Variants in MASP2 observed in about 807,000 individuals in gnomAD.
MASP2 encodes MBL associated serine protease 2.
In MASP2, 49 loss-of-function variants were observed where a neutral mutation model predicts 57.1. That is an observed-to-expected ratio of 0.86 (90% CI 0.68 to 1.09). The LOEUF is 1.09. Among genes scored for constraint, MASP2 ranks in the 50% least tolerant of loss-of-function variants. The probability of loss-of-function intolerance (pLI) is 0.00; values close to 1 mark genes in which losing one functional copy is unlikely to be tolerated. For missense variants in MASP2, 900 were observed against 874.8 expected (o/e 1.03, Z -0.36); for synonymous variants, 379 against 340.8 (o/e 1.11, Z -1.24).
intron 9 of MASP2, 189 bp downstream of exon 9, chr1:11,030,559 C>G (rs1570737475): frequency 3.3e-6 from 2 of 610,310 alleles, no homozygotes; most frequent in Non-Finnish European, 2.8e-6. Context: ...TTTACTAGAT[C>G]TGTTTTCAGA....
chr1:11,037,075 CAG>C (rs1377446104), intron 7 of MASP2, among the ~76,000 whole-genome samples: 1 of 151,998 alleles, frequency 6.6e-6, no homozygotes, highest in Non-Finnish European at 1.5e-5. Flanking sequence ...TTTTTTGAGA[CAG>C]AGTCTTGCTC....
chr1:11,040,633 T>TATGG (rs1177608831), intron 6 of MASP2, among the ~76,000 whole-genome samples: 74 of 144,050 alleles, frequency 5.1e-4, no homozygotes, highest in African/African-American at 1.8e-3. Flanking sequence ...TGGATGGGTA[T>TATGG]ATGGATGGAT....
chr1:11,041,469 T>C lies in MASP2; in HGVS notation c.889+1406A>G, dbSNP rs367960311. ...GTAGAAGGATGGGTGGGTGCATAGA[T>C]GGACAGCTGGAAGGATGGGTGGATG... On this transcript the variant is annotated intron_variant, in intron 6 of 10. Transcript: ENST00000400897. Among the ~76,000 whole-genome samples, 564 of 148,740 alleles carry C rather than the reference T, an allele frequency of 3.8e-3. 3 individuals carry two copies. Among genetic ancestry groups the C allele is most frequent in the Non-Finnish European group, 6.5e-3 (436 of 67,268 alleles).
intron 8 of MASP2, among the ~76,000 whole-genome samples, chr1:11,034,397 T>TA (rs58086905): frequency 4.0e-3 from 563 of 141,456 alleles, no homozygotes; most frequent in Middle Eastern, 7.4e-3. Flanking sequence ...AATGGATCAT[T>TA]AAAAAAAAAA....
chr1:11,040,479 A>AC (rs1283783953), intron 6 of MASP2, among the ~76,000 whole-genome samples: 1 of 150,858 alleles, frequency 6.6e-6, no homozygotes, highest in African/African-American at 2.4e-5. Flanking sequence ...AAAAAAAAAA[A>AC]AAAAACGGAT....
intron 4 of MASP2, chr1:11,044,711 G>T: frequency 7.9e-7 from 1 of 1,258,524 alleles, no homozygotes; most frequent in Non-Finnish European, 1.1e-6. Flanking sequence ...CAGACCTGGG[G>T]TTCATGAGGC....
rs1638665486 is a variant in MASP2, at chr1:11,047,029, G to A, written c.96C>T (p.Ser32=). 6.4e-6 allele frequency: 10 copies of A among 1,551,714 alleles called. No homozygotes were observed. The highest frequency in any genetic ancestry group is 8.7e-6 in the Non-Finnish European group (10 of 1,147,448). ...TGGCATACTCCCCTGGAAAGCCGGG[G>A]GATGCCAGGCGCCCGAACACAGGTT... is the stretch of plus-strand genomic sequence containing the variant. ...WPEPVFGRLA[S]PGFPGEYAND... is the part of the protein sequence containing the mutation. The change falls in exon 2 of 11, where the codon TCC becomes TCT. Residue 32 remains serine (S), a synonymous_variant. Transcript: ENST00000400897.
intron 7 of MASP2, among the ~76,000 whole-genome samples, chr1:11,035,426 T>C (rs986758665): frequency 7.9e-5 from 12 of 151,436 alleles, no homozygotes; most frequent in Middle Eastern, 3.4e-3. Flanking sequence ...CCTCAGGAGG[T>C]TGAGGCAGGA....
intron 10 of MASP2, among the ~76,000 whole-genome samples, chr1:11,027,854 C>G (rs1249583515): frequency 6.6e-6 from 1 of 152,174 alleles, no homozygotes; most frequent in Non-Finnish European, 1.5e-5. Flanking sequence ...TATTTCTTAG[C>G]TCCTCAGAAA....
intron 7 of MASP2, among the ~76,000 whole-genome samples, chr1:11,036,510 C>CAAAAAAAAAAAAA (rs35642467): frequency 6.8e-4 from 37 of 54,350 alleles, no homozygotes; most frequent in Non-Finnish European, 8.5e-4. Context: ...GACTCCGTCT[C>CAAAAAAAAAAAAA]AAAAAAAAAA....
At chr1:11,031,397 C>T (rs1274019718) in intron 8 of MASP2, among the ~76,000 whole-genome samples, 1 of 151,164 alleles carries the variant, frequency 6.6e-6, no homozygotes, top group Admixed American at 6.6e-5. Context: ...GGCGTGGTAG[C>T]GGGCGCCTGT....
Position 11,043,468 on chromosome 1 carries a change from C to A in MASP2, c.612G>T (p.Pro204=), listed in dbSNP as rs72550853. 14 of 1,610,064 alleles carry A rather than the reference C, an allele frequency of 8.7e-6. No homozygotes were observed. The East Asian group carries it at 2.7e-4, about 31-fold the overall frequency. The change falls in exon 5 of 11, where the codon CCG becomes CCT. Residue 204 remains proline (P), a synonymous_variant. Coordinates refer to ENST00000400897, the MANE Select transcript of MASP2 (RefSeq NM_006610.4). ...GELSSPEYPR[P]YPKLSSCTYS... ...AAGTGCAACTGGAGAGTTTGGGATA[C>A]GGCCGTGGGTATTCAGGGCTGCTGA... is the stretch of plus-strand genomic sequence containing the variant.
intron 8 of MASP2, among the ~76,000 whole-genome samples, chr1:11,033,463 G>A (rs371025228): frequency 6.6e-4 from 100 of 152,210 alleles, no homozygotes; most frequent in African/African-American, 2.2e-3. Flanking sequence ...TGGGCAGCAC[G>A]GTGAAATACC....
chr1:11,030,641 A>G, intron 9 of MASP2, 107 bp downstream of exon 9: 3 of 1,275,324 alleles, frequency 2.4e-6, no homozygotes, highest in African/African-American at 3.0e-5. Context: ...GTGGCTTTTA[A>G]TCTTTTGTCT....
At chr1:11,046,513 C>T (rs1238632162) in intron 3 of MASP2, 43 bp downstream of exon 3, 2 of 1,610,326 alleles carry the variant, frequency 1.2e-6, no homozygotes, top group South Asian at 1.1e-5. Flanking sequence ...CCCCCACAGC[C>T]AGCTGCGCAG....
chr1:11,028,112 C>A (rs1347528740), intron 10 of MASP2, among the ~76,000 whole-genome samples: 4 of 151,928 alleles, frequency 2.6e-5, no homozygotes, highest in Non-Finnish European at 4.4e-5. Context: ...ATCCCAGCCA[C>A]TTGGGAGGCT....
chr1:11,044,786 CGTG>C, intron 4 of MASP2: 8 of 1,411,506 alleles, frequency 5.7e-6, no homozygotes, highest in East Asian at 3.3e-5. Context: ...CCCAGAGACA[CGTG>C]GCAGCAGGTG....
In MASP2 at chr1:11,027,274, CTTCTT is replaced by C. The variant is rs758750248; in HGVS notation, c.1667_1671del (p.Lys556SerfsTer2). ...TCATCTGTCCTCATAAAGGATTCAG[CTTCTT>C]TTCTTGGCAGACAAATAGGCGTGAT... On this transcript the variant is annotated frameshift_variant, in exon 11 of 11. Coordinates refer to ENST00000400897, the MANE Select transcript of MASP2 (RefSeq NM_006610.4). LOFTEE classifies it low-confidence loss of function (END_TRUNC). The C allele has an allele frequency of 1.2e-5, 20 of 1,613,936 alleles. No individual in the cohort carries two copies. The highest frequency in any genetic ancestry group is 6.7e-5 in the East Asian group (3 of 44,892).
chr1:11,041,380 ATGGATGGATGGATGGATGGATGAGTG>A (rs1638427591), intron 6 of MASP2, among the ~76,000 whole-genome samples: 1 of 126,730 alleles, frequency 7.9e-6, no homozygotes, highest in African/African-American at 3.4e-5. Flanking sequence ...TGGCAGATGG[ATGGATGGATGGATGGATGGATGAGTG>A]GATGGATGGA....
Sources: gnomAD v4.1 joint callset for allele counts (sites outside exome capture counted in the v4.1 genomes callset) on GRCh38, gnomAD v4.1.1 for gene constraint, MANE v1.5 for transcripts, NCBI Gene and HGNC (gene_info 2026-07-23, HGNC 2026-07-21) for gene names.